Variants in TM2D1 observed in about 807,000 individuals in gnomAD.
The protein encoded by TM2D1 is TM2 domain containing 1, also known as TM2 domain-containing protein 1.
TM2D1 carries 15 observed loss-of-function variants against 28.4 expected under a neutral mutation model. That is an observed-to-expected ratio of 0.53 (90% CI 0.35 to 0.81). The LOEUF is 0.81. Among genes scored for constraint, TM2D1 ranks in the 40% least tolerant of loss-of-function variants. The pLI is 0.01. For synonymous variants in TM2D1, 93 were observed against 96.2 expected (o/e 0.97, Z 0.20); for missense variants, 236 against 254.9 (o/e 0.93, Z 0.50).
chr1:61,721,786 T>C (rs574435404), intron 2 of TM2D1, among the ~76,000 whole-genome samples: 13 of 151,680 alleles, frequency 8.6e-5, no homozygotes, highest in Non-Finnish European at 1.5e-4. Context: ...TGATTCACCA[T>C]AGTTAGTCCA....
chr1:61,713,689 C>T (rs1644495721), intron 2 of TM2D1, among the ~76,000 whole-genome samples: 1 of 151,988 alleles, frequency 6.6e-6, no homozygotes, highest in Non-Finnish European at 1.5e-5. Context: ...CTGAAGCTGT[C>T]ACTTTCTTGT....
intron 2 of TM2D1, among the ~76,000 whole-genome samples, chr1:61,710,703 A>AT (rs945361552): frequency 4.9e-4 from 74 of 151,998 alleles, no homozygotes; most frequent in Non-Finnish European, 3.7e-4. Flanking sequence ...AGAATTACAT[A>AT]TTTTTTTAAA....
chr1:61,715,645 CAAAAAAAAAAAAAAAAAAA>C (rs759796747), intron 2 of TM2D1, among the ~76,000 whole-genome samples: 1 of 16,424 alleles, frequency 6.1e-5, no homozygotes. Context: ...AAGACTGTCT[CAAAAAAAAAAAAAAAAAAA>C]AAAAAAAAAA....
At chr1:61,710,491 CAT>C (rs1209693616) in intron 2 of TM2D1, among the ~76,000 whole-genome samples, 2 of 88,910 alleles carry the variant, frequency 2.2e-5, no homozygotes, top group South Asian at 3.9e-4. Context: ...CACACACACA[CAT>C]ATACACACAT....
chr1:61,691,932 AATATAT>A (rs1163953838), intron 5 of TM2D1, among the ~76,000 whole-genome samples: 1 of 76,404 alleles, frequency 1.3e-5, no homozygotes, highest in African/African-American at 4.7e-5. Flanking sequence ...AAAAAAAAAA[AATATAT>A]ATATATATAT....
At chr1:61,724,831 T>C in intron 1 of TM2D1, 126 bp downstream of exon 1, 1 of 1,082,672 alleles carries the variant, frequency 9.2e-7, no homozygotes. Context: ...CCTTCAGTCA[T>C]TAGAAGCCAC....
At chr1:61,718,374 G>A (rs1416489663) in intron 2 of TM2D1, among the ~76,000 whole-genome samples, 1 of 152,116 alleles carries the variant, frequency 6.6e-6, no homozygotes, top group African/African-American at 2.4e-5. Context: ...GTTCTCCTCT[G>A]AGAGTGCTAG....
intron 2 of TM2D1, among the ~76,000 whole-genome samples, chr1:61,716,534 T>C (rs895747333): frequency 6.4e-5 from 9 of 141,560 alleles, no homozygotes; most frequent in Non-Finnish European, 1.2e-4. Flanking sequence ...ATTATATATG[T>C]GTATAATTTT....
chr1:61,709,204 A>T, intron 3 of TM2D1, 125 bp downstream of exon 3: 1 of 657,190 alleles, frequency 1.5e-6, no homozygotes, highest in African/African-American at 1.9e-5. Context: ...AGGTTTTCTG[A>T]CACAAGCAAA....
At chr1:61,690,456 CAAAAAAAAAAAAA>C (rs762550068) in intron 5 of TM2D1, among the ~76,000 whole-genome samples, 20 of 60,036 alleles carry the variant, frequency 3.3e-4, no homozygotes, top group Admixed American at 1.3e-3. Context: ...GACTCAGTCT[CAAAAAAAAAAAAA>C]AAAAAAAAAA....
Position 61,723,732 on chromosome 1 carries a change from A to G in TM2D1, c.219T>C (p.Cys73=). ...TCTTACCATGAGCTGTGTAGTTTGTACAGTTAACTGGTTCTTGCGTAGCGT... is the reference window on the plus strand; with the variant it reads ...TCTTACCATGAGCTGTGTAGTTTGTGCAGTTAACTGGTTCTTGCGTAGCGT... ...INDATQEPVN[C]TNYTAHVSCF... is the part of the protein sequence containing the mutation. Residue 73 remains cysteine, a synonymous_variant, in exon 2 of 7, where the codon TGT becomes TGC. Coordinates refer to ENST00000606498, the MANE Select transcript of TM2D1 (RefSeq NM_032027.3). The G allele has an allele frequency of 6.4e-7, 1 of 1,559,202 alleles. No homozygotes were observed. The highest frequency in any genetic ancestry group is 8.7e-7 in the Non-Finnish European group (1 of 1,146,184).
At chr1:61,694,562 C>A (rs1454635729) in intron 5 of TM2D1, 135 bp downstream of exon 5, 15 of 546,516 alleles carry the variant, frequency 2.7e-5, no homozygotes, top group Non-Finnish European at 4.4e-5. Flanking sequence ...TTCCTTAGAT[C>A]TAGTACATGA....
chr1:61,695,401 AGAT>A (rs1216591546), intron 4 of TM2D1, among the ~76,000 whole-genome samples: 1 of 149,456 alleles, frequency 6.7e-6, no homozygotes, highest in Non-Finnish European at 1.5e-5. Context: ...ATGCTAAAAT[AGAT>A]GATAACAGAG....
intron 3 of TM2D1, among the ~76,000 whole-genome samples, chr1:61,706,819 A>C (rs530499359): frequency 6.8e-6 from 1 of 146,330 alleles, no homozygotes; most frequent in East Asian, 2.0e-4. Flanking sequence ...ACAAGGACAA[A>C]ACTCTGTCTT....
intron 2 of TM2D1, among the ~76,000 whole-genome samples, chr1:61,717,087 G>A (rs942452674): frequency 6.6e-6 from 1 of 152,002 alleles, no homozygotes; most frequent in African/African-American, 2.4e-5. Flanking sequence ...AGTGGCTCAC[G>A]CCTGGAATCC....
chr1:61,703,509 T>C (rs112144260), intron 3 of TM2D1, among the ~76,000 whole-genome samples: 9 of 145,194 alleles, frequency 6.2e-5, no homozygotes, highest in African/African-American at 2.3e-4. Flanking sequence ...ACCTTCCGGG[T>C]TCAAGCAATT....
intron 6 of TM2D1, among the ~76,000 whole-genome samples, chr1:61,682,551 G>A (rs762947764): frequency 1.3e-5 from 2 of 152,182 alleles, no homozygotes; most frequent in Non-Finnish European, 2.9e-5. Flanking sequence ...AAACCAGAGA[G>A]TTGAACCAGG....
intron 2 of TM2D1, among the ~76,000 whole-genome samples, chr1:61,716,269 C>T (rs113550154): frequency 0.059 from 8,952 of 150,536 alleles, 745 homozygotes; most frequent in African/African-American, 0.19. Flanking sequence ...CAGTAAGCTA[C>T]GATCCTGCCA....
intron 2 of TM2D1, among the ~76,000 whole-genome samples, chr1:61,715,645 C>CAAAAAAAAAA (rs759796747): frequency 1.8e-4 from 3 of 16,422 alleles, no homozygotes; most frequent in African/African-American, 4.7e-4. Context: ...AAGACTGTCT[C>CAAAAAAAAAA]AAAAAAAAAA....
Sources: gnomAD v4.1 joint callset for allele counts (sites outside exome capture counted in the v4.1 genomes callset) on GRCh38, gnomAD v4.1.1 for gene constraint, MANE v1.5 for transcripts, NCBI Gene and HGNC (gene_info 2026-07-23, HGNC 2026-07-21) for gene names.